The following CDH11 variants were observed in gnomAD, a reference collection of about 807,000 sequenced individuals.
CDH11 encodes cadherin 11.
CDH11 carries 11 observed loss-of-function variants against 67.8 expected under a neutral mutation model. That is an observed-to-expected ratio of 0.16 (90% CI 0.10 to 0.27). The LOEUF is 0.27. Among genes scored for constraint, CDH11 ranks in the 10% least tolerant of loss-of-function variants. CDH11 has a pLI of 1.00. For missense variants in CDH11, 847 were observed against 1,031.2 expected (o/e 0.82, Z 2.45); for synonymous variants, 419 against 400.0 (o/e 1.05, Z -0.57).
intron 7 of CDH11, 148 bp downstream of exon 7, chr16:64,988,009 C>CCAGAGCT: frequency 1.7e-6 from 1 of 593,816 alleles, no homozygotes; most frequent in South Asian, 2.6e-5. Flanking sequence ...CTGTGATCTT[C>CCAGAGCT]CAGAGCTCAG....
chr16:65,074,200 C>A (rs961142277), intron 1 of CDH11, among the ~76,000 whole-genome samples: 27 of 152,110 alleles, frequency 1.8e-4, no homozygotes, highest in African/African-American at 6.3e-4. Context: ...GATAGGAATG[C>A]CACAGAGAAC....
intron 7 of CDH11, chr16:64,986,500 A>G (rs2072490360): frequency 6.6e-6 from 1 of 151,938 alleles, no homozygotes; most frequent in African/African-American, 2.4e-5. Context: ...CCAACTACCC[A>G]ATTACATGAA....
At chr16:64,966,625 T>C (rs949721316) in intron 11 of CDH11, among the ~76,000 whole-genome samples, 2 of 151,982 alleles carry the variant, frequency 1.3e-5, no homozygotes, top group Non-Finnish European at 2.9e-5. Flanking sequence ...ATTTCATAAA[T>C]AATATTTTTA....
intron 8 of CDH11, chr16:64,981,477 T>C (rs193163159): frequency 2.6e-5 from 4 of 152,218 alleles, no homozygotes; most frequent in African/African-American, 7.2e-5. Flanking sequence ...TGAAATTTAT[T>C]TGGACACTTT....
chr16:65,041,009 C>T (rs1451595901), intron 2 of CDH11, among the ~76,000 whole-genome samples: 1 of 152,152 alleles, frequency 6.6e-6, no homozygotes, highest in African/African-American at 2.4e-5. Flanking sequence ...ATTTTTAGAA[C>T]ATATTTTACT....
chr16:65,008,889 A>G lies in CDH11; in HGVS notation c.-172-3848T>C, dbSNP rs530670146. Among the ~76,000 whole-genome samples the G allele has an allele frequency of 3.3e-5, 5 of 152,306 alleles. No homozygotes were observed. The South Asian group carries it at 1.0e-3, about 32-fold the overall frequency. On this transcript the variant is annotated intron_variant, in intron 2 of 12. Transcript: ENST00000268603. ...GAAAATACTAATATAGTTAAAATTTACCGGGTGTTATCCGCCTAACATTCT... is the reference window on the plus strand; with the variant it reads ...GAAAATACTAATATAGTTAAAATTTGCCGGGTGTTATCCGCCTAACATTCT...
chr16:64,958,863 A>G (rs1373383753), intron 11 of CDH11, among the ~76,000 whole-genome samples: 4 of 152,172 alleles, frequency 2.6e-5, no homozygotes, highest in Non-Finnish European at 4.4e-5. Context: ...GAGACCCACA[A>G]ACAATCAGGG....
chr16:65,095,792 T>G (rs2074879913), intron 1 of CDH11, among the ~76,000 whole-genome samples: 1 of 152,184 alleles, frequency 6.6e-6, no homozygotes, highest in Admixed American at 6.5e-5. Context: ...CAAGTTCATA[T>G]GTTGAAACAT....
At chr16:64,962,680 G>A (rs1009229469) in intron 11 of CDH11, among the ~76,000 whole-genome samples, 1 of 152,130 alleles carries the variant, frequency 6.6e-6, no homozygotes, top group Admixed American at 6.5e-5. Context: ...CTATCAGTAG[G>A]AGGAGGGAAA....
chr16:65,022,300 A>C (rs534799216), intron 2 of CDH11, among the ~76,000 whole-genome samples: 1 of 152,324 alleles, frequency 6.6e-6, no homozygotes, highest in African/African-American at 2.4e-5. Flanking sequence ...AATAGCTTTT[A>C]CTTGGAACTC....
intron 1 of CDH11, among the ~76,000 whole-genome samples, chr16:65,098,584 T>G (rs2142849785): frequency 6.6e-6 from 1 of 152,118 alleles, no homozygotes; most frequent in South Asian, 2.1e-4. Context: ...CAAGCTGATC[T>G]CAAACTCCTG....
chr16:65,008,531 C>T, intron 2 of CDH11, among the ~76,000 whole-genome samples: 1 of 152,138 alleles, frequency 6.6e-6, no homozygotes, highest in Middle Eastern at 3.2e-3. Flanking sequence ...AATAGTAACT[C>T]ATCTATTAAT....
At chr16:65,073,236 AAGGGAGAAG>A (rs1410794036) in intron 1 of CDH11, among the ~76,000 whole-genome samples, 1 of 152,176 alleles carries the variant, frequency 6.6e-6, no homozygotes, top group African/African-American at 2.4e-5. Flanking sequence ...AAAAATCCAG[AAGGGAGAAG>A]ACTGCAATTG....
chr16:65,108,707 G>A (rs1006267515), intron 1 of CDH11, among the ~76,000 whole-genome samples: 1 of 151,954 alleles, frequency 6.6e-6, no homozygotes, highest in Admixed American at 6.6e-5. Flanking sequence ...TTTTAAACAT[G>A]TGGCTTTAAT....
rs147830118 is a variant in CDH11 at position 65,056,160 on chromosome 16, C to T, written c.-297-2232G>A. Among the ~76,000 whole-genome samples the T allele has an allele frequency of 1.4e-4, 22 of 152,286 alleles. 1 individual carries two copies. The Middle Eastern group carries it at 0.017, about 118-fold the overall frequency. On this transcript the variant is annotated intron_variant, in intron 1 of 12. Coordinates refer to ENST00000268603, the MANE Select transcript of CDH11 (RefSeq NM_001797.4). ...TGTAGCTTATCTTGTGCTTTTTGAA[C>T]GCTTGCTCTAGGAGAAGTTGGCTGC...
At chr16:65,123,356 C>A (rs1042414790), upstream of CDH11, among the ~76,000 whole-genome samples, 1 of 151,836 alleles carries the variant, frequency 6.6e-6, no homozygotes, top group Non-Finnish European at 1.5e-5. Context: ...AAGAGATGGA[C>A]CCGCGAAAAA....
At chr16:65,022,940 C>T (rs1006342899) in intron 2 of CDH11, among the ~76,000 whole-genome samples, 1 of 152,296 alleles carries the variant, frequency 6.6e-6, no homozygotes, top group South Asian at 2.1e-4. Flanking sequence ...AACAGAGGAC[C>T]TCATACAGCC....
intron 5 of CDH11, among the ~76,000 whole-genome samples, chr16:64,992,699 A>C (rs1597064820): frequency 1.3e-5 from 2 of 152,256 alleles, no homozygotes; most frequent in South Asian, 4.1e-4. Flanking sequence ...TTATTGGGTC[A>C]TCGTGAAATA....
chr16:65,052,430 T>C (rs1034740023), intron 2 of CDH11, among the ~76,000 whole-genome samples: 1 of 152,196 alleles, frequency 6.6e-6, no homozygotes, highest in Non-Finnish European at 1.5e-5. Context: ...AGCTAAGATA[T>C]AAAATGCCTT....
Sources: allele counts gnomAD v4.1 joint callset (sites outside exome capture counted in the v4.1 genomes callset), GRCh38; gene constraint gnomAD v4.1.1; transcripts MANE v1.5; gene names NCBI Gene and HGNC (gene_info 2026-07-23, HGNC 2026-07-21).